Variants in PALS2 observed in about 807,000 individuals in gnomAD.
The protein encoded by PALS2 is protein associated with LIN7 2, MAGUK p55 family member.
PALS2 carries 27 observed loss-of-function variants against 61.6 expected under a neutral mutation model. The ratio of observed to expected loss-of-function variants is 0.44; its 90% CI spans 0.32 to 0.60. PALS2 has a LOEUF of 0.60. PALS2 is among the 20% of genes least tolerant of loss of function. The pLI is 0.05. For missense variants in PALS2, 554 were observed against 639.4 expected, an observed-to-expected ratio of 0.87 and a Z score of 1.44; for synonymous variants, 236 against 218.6, an observed-to-expected ratio of 1.08 and a Z score of -0.70.
chr7:24,602,106 T>G (rs1160561797), intron 1 of PALS2, among the ~76,000 whole-genome samples: 3 of 152,122 alleles, frequency 2.0e-5, no homozygotes, highest in African/African-American at 7.2e-5. Flanking sequence ...CTCCTGTGCT[T>G]TTCTACTTTT....
intron 1 of PALS2, among the ~76,000 whole-genome samples, chr7:24,583,934 A>T (rs1485362713): frequency 6.6e-6 from 1 of 151,004 alleles, no homozygotes; most frequent in Non-Finnish European, 1.5e-5. Context: ...TTCTCACGAT[A>T]GTTTACTGAG....
chr7:24,658,480 T>G (rs1378885557), intron 5 of PALS2, among the ~76,000 whole-genome samples: 3 of 152,194 alleles, frequency 2.0e-5, no homozygotes, highest in Non-Finnish European at 4.4e-5. Flanking sequence ...CCATTTTGAT[T>G]GGCTGCCAGG....
rs112273799 is a variant in PALS2 at position 24,576,208 on chromosome 7, C to G, written c.-3+2615C>G. Among the ~76,000 whole-genome samples the G allele has an allele frequency of 2.7e-3, 413 of 152,316 alleles. 3 individuals are homozygous for G. The highest frequency in any genetic ancestry group is 9.5e-3 in the African/African-American group (394 of 41,564). On this transcript the variant is annotated intron_variant, in intron 1 of 11. Coordinates refer to ENST00000222644, the MANE Select transcript of PALS2 (RefSeq NM_001303037.2). ...ATAAGAGCAGATAAGCACAAGAGAT[C>G]TCTTTCCTGATATGGTGCTAGTATT...
In PALS2 at chr7:24,602,625, A is replaced by T. The variant is rs576202920; in HGVS notation, c.-2-21041A>T. On this transcript the variant is annotated intron_variant, in intron 1 of 11. Coordinates refer to ENST00000222644, the MANE Select transcript of PALS2 (RefSeq NM_001303037.2). ...GGAGGGGTTTGTATCAGCATTTAAT[A>T]ATCCTGTCTTCTATATTATTTCATT... is the stretch of plus-strand genomic sequence containing the variant. 5.3e-5 allele frequency among the ~76,000 whole-genome samples: 8 copies of T among 152,264 alleles called. No homozygotes were observed. The East Asian group carries it at 1.5e-3, about 29-fold the overall frequency.
At chr7:24,672,394 A>T (rs1485215456) in intron 9 of PALS2, among the ~76,000 whole-genome samples, 1 of 150,874 alleles carries the variant, frequency 6.6e-6, no homozygotes, top group Non-Finnish European at 1.5e-5. Flanking sequence ...TGCCTGGCTA[A>T]TTTTTTTTGT....
chr7:24,692,457 T>C lies in PALS2; in HGVS notation c.*4843T>C, dbSNP rs1287380031. 6.6e-6 allele frequency: 1 copy of C among 152,226 alleles called. No homozygotes were observed. The highest frequency in any genetic ancestry group is 2.4e-5 in the African/African-American group (1 of 41,472). The allele number at this position is 152,226 out of a possible 1,614,324, so 9.4% of individuals were successfully genotyped here. A position where few individuals can be genotyped will look rare whatever the true frequency, so the allele number is the denominator to read the frequency against. ...TAACTCTGATGTGGTAGCTGTGATA[T>C]GGTGAACTGAAAAATCCTTATTAGG... On this transcript the variant is annotated 3_prime_UTR_variant, in exon 12 of 12. Transcript: ENST00000222644.
At chr7:24,653,324 T>G (rs936197154) in intron 5 of PALS2, among the ~76,000 whole-genome samples, 6 of 151,788 alleles carry the variant, frequency 4.0e-5, no homozygotes, top group Non-Finnish European at 8.8e-5. Context: ...GAGAATTTGA[T>G]AAAATTCAAT....
At chr7:24,686,323 C>G (rs1310138575) in intron 11 of PALS2, among the ~76,000 whole-genome samples, 3 of 152,104 alleles carry the variant, frequency 2.0e-5, no homozygotes, top group Non-Finnish European at 4.4e-5. Flanking sequence ...CATGTCATGC[C>G]ACATTTTCAC....
intron 1 of PALS2, among the ~76,000 whole-genome samples, chr7:24,610,030 T>G (rs1784058374): frequency 6.6e-6 from 1 of 152,194 alleles, no homozygotes; most frequent in African/African-American, 2.4e-5. Flanking sequence ...TCCAGTGGTG[T>G]GTCCCCGTGT....
chr7:24,575,797 A>C (rs1378030364), intron 1 of PALS2, among the ~76,000 whole-genome samples: 1 of 152,238 alleles, frequency 6.6e-6, no homozygotes, highest in Non-Finnish European at 1.5e-5. Context: ...AGAAAATAAA[A>C]TTAAAAGAGG....
At chr7:24,608,134 C>T (rs755712863) in intron 1 of PALS2, among the ~76,000 whole-genome samples, 27 of 152,102 alleles carry the variant, frequency 1.8e-4, no homozygotes, top group Non-Finnish European at 3.1e-4. Flanking sequence ...TTTTTTTACT[C>T]ACTGTTCATC....
In PALS2 at chr7:24,618,830, C is replaced by T. The variant is rs112386139; in HGVS notation, c.-2-4836C>T. Reference sequence around the variant, plus strand: ...ACCTCTCCACTTCCCTGCTGTACTTCGGCACTCTCCCTTCAACACTCCAGT... The same window carrying T: ...ACCTCTCCACTTCCCTGCTGTACTTTGGCACTCTCCCTTCAACACTCCAGT... On this transcript the variant is annotated intron_variant, in intron 1 of 11. Coordinates refer to ENST00000222644, the MANE Select transcript of PALS2 (RefSeq NM_001303037.2). The surrounding 1 kb of genome is among the most constrained non-coding windows in gnomAD (Gnocchi z 5.1). 3.9e-5 allele frequency among the ~76,000 whole-genome samples: 6 copies of T among 152,350 alleles called. No individual in the cohort carries two copies. Among genetic ancestry groups the T allele is most frequent in the African/African-American group, 1.4e-4 (6 of 41,588 alleles).
At chr7:24,591,367 T>C (rs139527765) in intron 1 of PALS2, among the ~76,000 whole-genome samples, 149 of 152,216 alleles carry the variant, frequency 9.8e-4, no homozygotes, top group African/African-American at 3.4e-3. Context: ...CTCACTGAGA[T>C]AGGGGGCAGT....
At chr7:24,672,196 C>CTATTT (rs1787331557) in intron 9 of PALS2, among the ~76,000 whole-genome samples, 1 of 145,196 alleles carries the variant, frequency 6.9e-6, no homozygotes, top group East Asian at 2.2e-4. Context: ...CTACTGCCAT[C>CTATTT]TGTTTTGTTT....
At position 24,641,722 on chromosome 7, in the gene PALS2, G is replaced by C. The variant is rs766240383; in HGVS notation, c.124G>C (p.Glu42Gln). The change falls in exon 3 of 12, where the codon GAG becomes CAG. Residue 42 changes from glutamate (E) to glutamine (Q), a missense_variant. Transcript: ENST00000222644. ...PIVKSLAKAHERLEDSKLEAV... is the reference protein window; with the variant it reads ...PIVKSLAKAHQRLEDSKLEAV... ...TATACTCTTATTTTTTCAGGCTCATGAGAGGCTAGAAGATTCCAAACTAGA... is the reference window on the plus strand; with the variant it reads ...TATACTCTTATTTTTTCAGGCTCATCAGAGGCTAGAAGATTCCAAACTAGA... 1.9e-6 allele frequency: 3 copies of C among 1,603,110 alleles called. No individual in the cohort carries two copies. The highest frequency in any genetic ancestry group is 1.7e-6 in the Non-Finnish European group (2 of 1,175,802).
At chr7:24,614,721 A>AT (rs1562615275) in intron 1 of PALS2, among the ~76,000 whole-genome samples, 4 of 152,012 alleles carry the variant, frequency 2.6e-5, no homozygotes, top group African/African-American at 9.7e-5. Flanking sequence ...AAACTGCACC[A>AT]TAGGCCAAAT....
intron 2 of PALS2, among the ~76,000 whole-genome samples, chr7:24,624,635 C>G (rs866934691): frequency 2.2e-5 from 1 of 46,258 alleles, no homozygotes; most frequent in Non-Finnish European, 3.3e-5. Flanking sequence ...GAGAGGAAGT[C>G]TCACTTTGTC....
chr7:24,619,223 CTTTGTT>C (rs949161149), intron 1 of PALS2, among the ~76,000 whole-genome samples: 13 of 152,104 alleles, frequency 8.5e-5, no homozygotes, highest in East Asian at 1.9e-4. Context: ...ACAATTTAAT[CTTTGTT>C]TTTGTTTTTG....
chr7:24,611,528 AGTT>A (rs1784112135), intron 1 of PALS2, among the ~76,000 whole-genome samples: 1 of 151,944 alleles, frequency 6.6e-6, no homozygotes, highest in Non-Finnish European at 1.5e-5. Context: ...GATGTGGCCT[AGTT>A]GTTGGGGATG....
Sources: gnomAD v4.1 joint callset for allele counts (sites outside exome capture counted in the v4.1 genomes callset) on GRCh38, gnomAD v4.1.1 for gene constraint, Gnocchi (gnomAD v3.1) non-coding constraint, MANE v1.5 for transcripts, NCBI Gene and HGNC (gene_info 2026-07-23, HGNC 2026-07-21) for gene names.